The following GPM6A variants were observed in gnomAD, a reference collection of about 807,000 sequenced individuals.
The protein encoded by GPM6A is neuronal membrane glycoprotein M6-a.
GPM6A carries 7 observed loss-of-function variants against 32.1 expected under a neutral mutation model. That is an observed-to-expected ratio of 0.22 (90% CI 0.12 to 0.41). GPM6A has a LOEUF of 0.41. GPM6A is among the 10% of genes least tolerant of loss of function. The probability of loss-of-function intolerance (pLI) is 1.00; values close to 1 mark genes in which losing one functional copy is unlikely to be tolerated. For synonymous variants in GPM6A, 130 were observed against 123.4 expected, an observed-to-expected ratio of 1.05 and a Z score of -0.35; for missense variants, 235 against 347.2, an observed-to-expected ratio of 0.68 and a Z score of 2.57.
At position 175,908,379 on chromosome 4, in the gene GPM6A, T is replaced by C. The variant is rs1304061493; in HGVS notation, c.-23+93930A>G. ...ATTCTTCAGATCCCTGTGTCTTCTA[T>C]ATCCTCATCTGCAAAGTGAAATTGA... On this transcript the variant is annotated intron_variant, in intron 1 of 7. Transcript: ENST00000280187. Among the ~76,000 whole-genome samples, 4 of 152,240 alleles carry C rather than the reference T, an allele frequency of 2.6e-5. No individual in the cohort carries two copies. The South Asian group carries it at 6.2e-4, about 24-fold the overall frequency.
chr4:175,651,684 A>G (rs749671075), intron 4 of GPM6A, 150 bp downstream of exon 4: 2 of 589,784 alleles, frequency 3.4e-6, no homozygotes, highest in Non-Finnish European at 5.9e-6. Context: ...TAAAGGGAAT[A>G]GCCTTAGCAG....
intron 6 of GPM6A, 117 bp downstream of exon 6, chr4:175,640,012 G>C (rs992664037): frequency 6.0e-6 from 5 of 839,438 alleles, no homozygotes; most frequent in East Asian, 2.4e-5. Flanking sequence ...TTTTTAATCT[G>C]ATGACATAAA....
rs114715084 is a variant in GPM6A at position 175,998,951 on chromosome 4, C to A, written c.-23+3358G>T. 6.8e-3 allele frequency among the ~76,000 whole-genome samples: 1,031 copies of A among 152,282 alleles called. 4 individuals carry two copies. Among genetic ancestry groups the A allele is most frequent in the African/African-American group, 0.023 (966 of 41,550 alleles). ...TCTCCAAAATCAAATCCCATCCTGTCAATCCAGCTCCATGTCTTACTGTTC... is the reference window on the plus strand; with the variant it reads ...TCTCCAAAATCAAATCCCATCCTGTAAATCCAGCTCCATGTCTTACTGTTC... On this transcript the variant is annotated intron_variant, in intron 1 of 7. Coordinates refer to the GPM6A transcript ENST00000280187.
intron 1 of GPM6A, among the ~76,000 whole-genome samples, chr4:175,962,749 T>C (rs1194867415): frequency 6.6e-6 from 1 of 152,194 alleles, no homozygotes; most frequent in East Asian, 1.9e-4. Context: ...CATTTATTTT[T>C]ACCCAGTGTC....
intron 1 of GPM6A, among the ~76,000 whole-genome samples, chr4:175,834,921 T>C (rs1348689738): frequency 1.3e-5 from 2 of 152,206 alleles, no homozygotes; most frequent in East Asian, 3.9e-4. Context: ...AGAGCTCCCT[T>C]ACCAGCCACA....
intron 1 of GPM6A, among the ~76,000 whole-genome samples, chr4:175,727,529 C>G (rs1037428331): frequency 2.0e-4 from 31 of 152,088 alleles, no homozygotes; most frequent in African/African-American, 4.8e-5. Flanking sequence ...TAATTAAATA[C>G]TTAATTTTCC....
intron 2 of GPM6A, among the ~76,000 whole-genome samples, chr4:175,683,441 G>T (rs763999716): frequency 6.6e-6 from 1 of 152,138 alleles, no homozygotes; most frequent in African/African-American, 2.4e-5. Context: ...TGACTGTTGG[G>T]AAGGCATGAT....
rs193074408 is a variant in GPM6A, at chr4:175,832,461, A to G, written c.-22-20212T>C. Among the ~76,000 whole-genome samples, 458 of 152,308 alleles carry G rather than the reference A, an allele frequency of 3.0e-3. 4 individuals carry two copies. Among genetic ancestry groups the G allele is most frequent in the African/African-American group, 0.01 (435 of 41,578 alleles). On this transcript the variant is annotated intron_variant, in intron 1 of 7. Transcript: ENST00000280187. ...TATTTATTTATATTCAAAGTTCCTG[A>G]TATAGTTTTTATTATGCATCATAAA... is the stretch of plus-strand genomic sequence containing the variant.
At chr4:175,850,891 A>C (rs1736232789) in intron 1 of GPM6A, among the ~76,000 whole-genome samples, 1 of 150,666 alleles carries the variant, frequency 6.6e-6, no homozygotes, top group East Asian at 1.9e-4. Flanking sequence ...CTATATATTT[A>C]TTTGTAACAT....
chr4:175,683,614 C>G (rs192420086), intron 2 of GPM6A, among the ~76,000 whole-genome samples: 1 of 152,078 alleles, frequency 6.6e-6, no homozygotes, highest in Non-Finnish European at 1.5e-5. Flanking sequence ...GTGGATCTCT[C>G]ATGGCTTGGT....
chr4:175,639,069 T>C (rs983537361), intron 6 of GPM6A, among the ~76,000 whole-genome samples: 4 of 152,134 alleles, frequency 2.6e-5, no homozygotes, highest in Admixed American at 2.0e-4. Context: ...TAGAGGTCAC[T>C]GTATCAAAAA....
chr4:175,936,306 C>CAAAAAAAAAAAAAAAAAAAAAAAAAA (rs35653197), intron 1 of GPM6A, among the ~76,000 whole-genome samples: 1 of 45,576 alleles, frequency 2.2e-5, no homozygotes, highest in African/African-American at 8.9e-5. Flanking sequence ...ACTCTGTCTC[C>CAAAAAAAAAAAAAAAAAAAAAAAAAA]AAAAAAAAAA....
intron 1 of GPM6A, among the ~76,000 whole-genome samples, chr4:175,757,492 G>T (rs186280995): frequency 2.6e-5 from 4 of 152,050 alleles, no homozygotes; most frequent in Non-Finnish European, 4.4e-5. Flanking sequence ...AATGTATTAC[G>T]CCTGGATAAG....
intron 3 of GPM6A, among the ~76,000 whole-genome samples, chr4:175,652,675 G>T (rs1434770130): frequency 6.6e-6 from 1 of 151,962 alleles, no homozygotes; most frequent in Admixed American, 6.6e-5. Context: ...TATACAAGGT[G>T]TTCATGTATC....
At chr4:175,718,468 T>A (rs1039345943) in intron 1 of GPM6A, among the ~76,000 whole-genome samples, 1 of 151,794 alleles carries the variant, frequency 6.6e-6, no homozygotes, top group African/African-American at 2.4e-5. Context: ...ATACAAAAAA[T>A]AGCTGGGTGT....
chr4:175,636,295 T>C (rs537175828), intron 6 of GPM6A, among the ~76,000 whole-genome samples: 2,247 of 133,332 alleles, frequency 0.017, 70 homozygotes, highest in African/African-American at 0.051. Flanking sequence ...TATATATATA[T>C]ATACATATAT....
intron 1 of GPM6A, among the ~76,000 whole-genome samples, chr4:175,867,348 T>C (rs1736772408): frequency 6.6e-6 from 1 of 152,206 alleles, no homozygotes; most frequent in Non-Finnish European, 1.5e-5. Flanking sequence ...AATCTAGTTT[T>C]TCTTCTCATG....
At chr4:175,721,332 C>G (rs180901569) in intron 1 of GPM6A, among the ~76,000 whole-genome samples, 1,630 of 151,298 alleles carry the variant, frequency 0.011, 32 homozygotes, top group African/African-American at 0.038. Flanking sequence ...AAAAATTAGC[C>G]GAGTGTGGTG....
chr4:175,763,628 A>C (rs975076835), intron 1 of GPM6A, among the ~76,000 whole-genome samples: 1 of 152,184 alleles, frequency 6.6e-6, no homozygotes, highest in African/African-American at 2.4e-5. Flanking sequence ...AGATTATTTA[A>C]TAGTAGGCTC....
Sources: gnomAD v4.1 joint callset for allele counts (sites outside exome capture counted in the v4.1 genomes callset) on GRCh38, gnomAD v4.1.1 for gene constraint, MANE v1.5 for transcripts, NCBI Gene and HGNC (gene_info 2026-07-23, HGNC 2026-07-21) for gene names.